NRXN1: variants seen among roughly 807,000 people sequenced by gnomAD.
The protein encoded by NRXN1 is neurexin-1.
A neutral mutation model predicts 150.9 loss-of-function variants in NRXN1; 39 were observed. The observed-to-expected ratio is 0.26, with a 90% CI of 0.20 to 0.34. The LOEUF is 0.34. NRXN1 is among the 10% of genes least tolerant of loss of function. NRXN1 has a pLI of 1.00. For missense variants in NRXN1, 1,815 were observed against 1,949.9 expected (o/e 0.93, Z 1.30); for synonymous variants, 924 against 757.0 (o/e 1.22, Z -3.62).
intron 5 of NRXN1, among the ~76,000 whole-genome samples, chr2:50,667,654 C>G (rs931853213): frequency 2.6e-5 from 4 of 151,974 alleles, no homozygotes; most frequent in African/African-American, 7.2e-5. Flanking sequence ...CAAAATAGAT[C>G]TCTAAGAAAC....
chr2:50,055,025 G>A lies in NRXN1; in HGVS notation c.3738C>T (p.Arg1246=), dbSNP rs1288225904. Residue 1246 remains arginine, a synonymous_variant, in exon 20 of 23, where the codon CGC becomes CGT. Coordinates refer to ENST00000401669, the MANE Select transcript of NRXN1 (RefSeq NM_001330078.2). ...GAATTCGCTGTCTAGCAATCGCCAG[G>A]CGCTCGTTATCATTGTTTCCTTTAA... ...RYPAGNNDNE[R]LAIARQRIPY... is the part of the protein sequence containing the mutation. 2 of 1,599,774 alleles carry A rather than the reference G, an allele frequency of 1.3e-6. No homozygotes were observed. Among genetic ancestry groups the A allele is most frequent in the Non-Finnish European group, 1.7e-6 (2 of 1,174,388 alleles).
At chr2:50,875,245 G>A (rs1390211904) in intron 5 of NRXN1, among the ~76,000 whole-genome samples, 1 of 151,588 alleles carries the variant, frequency 6.6e-6, no homozygotes, top group Non-Finnish European at 1.5e-5. Context: ...AAACTAAGAT[G>A]TTGACCATAT....
intron 5 of NRXN1, among the ~76,000 whole-genome samples, chr2:50,847,726 G>C (rs190704317): frequency 2.2e-4 from 34 of 152,306 alleles, no homozygotes; most frequent in Admixed American, 2.2e-3. Context: ...GGATGTCCAG[G>C]GAGCACGTCA....
At chr2:50,586,523 T>G (rs1292844364) in intron 8 of NRXN1, among the ~76,000 whole-genome samples, 2 of 151,542 alleles carry the variant, frequency 1.3e-5, no homozygotes, top group Admixed American at 6.6e-5. Context: ...CATATTAAAT[T>G]TTTTAATGAG....
At chr2:50,223,772 C>T (rs1366636472) in intron 18 of NRXN1, among the ~76,000 whole-genome samples, 3 of 151,902 alleles carry the variant, frequency 2.0e-5, no homozygotes, top group African/African-American at 7.2e-5. Context: ...ACAGAGACTC[C>T]CCCTGCCTTT....
At chr2:50,713,582 C>T (rs1293795859) in intron 5 of NRXN1, among the ~76,000 whole-genome samples, 1 of 152,078 alleles carries the variant, frequency 6.6e-6, no homozygotes, top group Non-Finnish European at 1.5e-5. Context: ...AATCATCCTA[C>T]GCCTTTCAAA....
At chr2:50,072,469 C>A (rs1218486679) in intron 19 of NRXN1, among the ~76,000 whole-genome samples, 1 of 150,730 alleles carries the variant, frequency 6.6e-6, no homozygotes, top group Non-Finnish European at 1.5e-5. Flanking sequence ...TTCTAAGTAC[C>A]AAAGGACAAG....
chr2:50,783,881 G>A (rs576837727), intron 5 of NRXN1, among the ~76,000 whole-genome samples: 1 of 152,042 alleles, frequency 6.6e-6, no homozygotes, highest in Non-Finnish European at 1.5e-5. Context: ...ATAGTAAACC[G>A]TGTCTTCTCC....
intron 17 of NRXN1, among the ~76,000 whole-genome samples, chr2:50,332,760 T>C (rs1173457720): frequency 6.6e-6 from 1 of 152,200 alleles, no homozygotes; most frequent in Non-Finnish European, 1.5e-5. Flanking sequence ...ACTGTTCATC[T>C]AAAAAACATC....
rs1056088466 is a variant in NRXN1, at chr2:50,347,116, C to G, written c.3365-110146G>C. The G allele has an allele frequency of 2.9e-6, 4 of 1,387,140 alleles. No homozygotes were observed. The African/African-American group carries it at 5.9e-5, about 20-fold the overall frequency. The allele number at this position is 1,387,140 out of a possible 1,614,324, so 85.9% of individuals were successfully genotyped here. ...TCCTTCGGACAGTCTTCTCGGGGTC[C>G]TGGAGTCCGCCGTGCCTAGCACCCC... On this transcript the variant is annotated intron_variant, in intron 17 of 22. Transcript: ENST00000401669. This position sits in a 1 kb window ranked among gnomAD's most constrained non-coding sequence, Gnocchi z 4.9.
intron 21 of NRXN1, among the ~76,000 whole-genome samples, chr2:49,993,774 A>G (rs1345817795): frequency 6.6e-6 from 1 of 152,228 alleles, no homozygotes; most frequent in Non-Finnish European, 1.5e-5. Context: ...AACGTAAGGC[A>G]ATTGCTCATC....
chr2:50,162,642 T>TAC (rs999201806), intron 18 of NRXN1, among the ~76,000 whole-genome samples: 3 of 151,822 alleles, frequency 2.0e-5, no homozygotes, highest in Non-Finnish European at 4.4e-5. Flanking sequence ...AAATGTATAT[T>TAC]ACACACACAC....
chr2:50,570,770 T>C (rs1007887494), intron 8 of NRXN1, among the ~76,000 whole-genome samples: 2 of 152,126 alleles, frequency 1.3e-5, no homozygotes, highest in Non-Finnish European at 2.9e-5. Context: ...AATGCTCATA[T>C]AATCCTGAGT....
At chr2:50,673,420 A>G (rs957854405) in intron 5 of NRXN1, among the ~76,000 whole-genome samples, 2 of 152,146 alleles carry the variant, frequency 1.3e-5, no homozygotes, top group Non-Finnish European at 2.9e-5. Flanking sequence ...TGCCTACAGT[A>G]CAGTATTTAA....
chr2:50,523,080 A>G (rs1239916148), intron 12 of NRXN1, among the ~76,000 whole-genome samples: 1 of 151,962 alleles, frequency 6.6e-6, no homozygotes, highest in Non-Finnish European at 1.5e-5. Context: ...GTGCCAATAC[A>G]CTGCCTGTTT....
chr2:50,131,467 T>G (rs1705484205), intron 18 of NRXN1, among the ~76,000 whole-genome samples: 1 of 152,152 alleles, frequency 6.6e-6, no homozygotes. Context: ...ATTTAGGAGG[T>G]TTAACTGTCA....
At chr2:50,534,598 T>A (rs72882069) in intron 10 of NRXN1, among the ~76,000 whole-genome samples, 7,016 of 152,204 alleles carry the variant, frequency 0.046, 188 homozygotes, top group Middle Eastern at 0.12. Context: ...GATCTTTACT[T>A]TTGTTTTTCC....
At chr2:50,223,682 T>C (rs535229226) in intron 18 of NRXN1, among the ~76,000 whole-genome samples, 2 of 152,032 alleles carry the variant, frequency 1.3e-5, no homozygotes, top group East Asian at 3.9e-4. Flanking sequence ...AACACCTCTG[T>C]CGGGAAAATG....
At chr2:50,136,107 TA>T in intron 18 of NRXN1, among the ~76,000 whole-genome samples, 1 of 152,332 alleles carries the variant, frequency 6.6e-6, no homozygotes, top group South Asian at 2.1e-4. Context: ...GTCAAAGGAA[TA>T]AATGGTTGGA....
Sources: gnomAD v4.1 joint callset for allele counts (sites outside exome capture counted in the v4.1 genomes callset) on GRCh38, gnomAD v4.1.1 for gene constraint, Gnocchi (gnomAD v3.1) non-coding constraint, MANE v1.5 for transcripts, NCBI Gene and HGNC (gene_info 2026-07-23, HGNC 2026-07-21) for gene names.